Variants in GRIP1 observed in about 807,000 individuals in gnomAD.
The protein encoded by GRIP1 is glutamate receptor interacting protein 1.
GRIP1 carries 45 observed loss-of-function variants against 129.9 expected under a neutral mutation model. The ratio of observed to expected loss-of-function variants is 0.35; its 90% confidence interval spans 0.27 to 0.44. The LOEUF is 0.44. Among genes scored for constraint, GRIP1 ranks in the 20% least tolerant of loss-of-function variants. GRIP1 has a pLI of 1.00. For missense variants in GRIP1, 1,196 were observed against 1,396.8 expected, an observed-to-expected ratio of 0.86 and a Z score of 2.29; for synonymous variants, 530 against 520.8, an observed-to-expected ratio of 1.02 and a Z score of -0.24.
chr12:66,455,696 A>T, intron 10 of GRIP1, 132 bp from the exon 11 acceptor site: 1 of 769,876 alleles, frequency 1.3e-6, no homozygotes, highest in Non-Finnish European at 2.3e-6. Flanking sequence ...CCAGCCAGCT[A>T]GAGGCCAGCT....
intron 1 of GRIP1, among the ~76,000 whole-genome samples, chr12:66,906,171 G>A (rs2040929075): frequency 6.6e-6 from 1 of 152,120 alleles, no homozygotes; most frequent in East Asian, 1.9e-4. Context: ...CAGCACTTTG[G>A]GAGGCTGAGG....
At chr12:66,361,176 C>G (rs2054741482) in intron 23 of GRIP1, among the ~76,000 whole-genome samples, 2 of 152,124 alleles carry the variant, frequency 1.3e-5, no homozygotes, top group South Asian at 4.1e-4. Context: ...ACTAGAAACT[C>G]AGGGGTTTTG....
At chr12:66,977,754 T>G (rs1325370752) in intron 1 of GRIP1, among the ~76,000 whole-genome samples, 1 of 151,758 alleles carries the variant, frequency 6.6e-6, no homozygotes, top group Non-Finnish European at 1.5e-5. Flanking sequence ...CCAAGTTTTA[T>G]GTCACTAAAG....
intron 1 of GRIP1, among the ~76,000 whole-genome samples, chr12:66,729,957 G>C (rs1021125880): frequency 1.3e-5 from 2 of 152,298 alleles, no homozygotes; most frequent in African/African-American, 4.8e-5. Flanking sequence ...AAGGAAAATT[G>C]TATGCATCAT....
chr12:66,980,831 C>T (rs1221188176), intron 1 of GRIP1, among the ~76,000 whole-genome samples: 2 of 152,106 alleles, frequency 1.3e-5, no homozygotes, highest in South Asian at 2.1e-4. Flanking sequence ...GATGTAGTTT[C>T]GATTATTCAG....
At chr12:66,883,990 G>A (rs1343511923) in intron 1 of GRIP1, among the ~76,000 whole-genome samples, 1 of 152,186 alleles carries the variant, frequency 6.6e-6, no homozygotes, top group Non-Finnish European at 1.5e-5. Flanking sequence ...GAATTAGAGA[G>A]GGTGATCATG....
intron 1 of GRIP1, among the ~76,000 whole-genome samples, chr12:66,706,474 T>G (rs1486658479): frequency 6.6e-6 from 1 of 152,132 alleles, no homozygotes; most frequent in African/African-American, 2.4e-5. Flanking sequence ...CTCAAGGATC[T>G]AGAATCAGAA....
At chr12:66,788,240 T>TG (rs1491486169) in intron 1 of GRIP1, among the ~76,000 whole-genome samples, 1 of 132,616 alleles carries the variant, frequency 7.5e-6, no homozygotes, top group East Asian at 2.0e-4. Flanking sequence ...AATAAAATAC[T>TG]TTTTTTTTTT....
At position 66,700,449 on chromosome 12, in the gene GRIP1, A is replaced by G. The variant is rs1222894759; in HGVS notation, c.-419-70113T>C. On this transcript the variant is annotated intron_variant, in intron 1 of 4. Transcript: ENST00000538373. Reference sequence around the variant, plus strand: ...GTGGCAGCTTTTTTTTTTTTTTTTAAATTAAGATTTGGGGTTTCACCACAT... The same window carrying G: ...GTGGCAGCTTTTTTTTTTTTTTTTAGATTAAGATTTGGGGTTTCACCACAT... 2.0e-5 allele frequency among the ~76,000 whole-genome samples: 3 copies of G among 149,040 alleles called. No homozygotes were observed. The East Asian group carries it at 5.9e-4, about 29-fold the overall frequency.
At chr12:66,878,218 G>A (rs923011666) in intron 1 of GRIP1, among the ~76,000 whole-genome samples, 1 of 151,978 alleles carries the variant, frequency 6.6e-6, no homozygotes, top group African/African-American at 2.4e-5. Context: ...TGTTCCTGCA[G>A]GACATACACA....
intron 2 of GRIP1, chr12:66,568,610 A>G (rs1056954242): frequency 6.5e-5 from 12 of 185,218 alleles, no homozygotes; most frequent in African/African-American, 2.6e-4. Context: ...ATGTGTCAAG[A>G]TTGACGCAGA....
At chr12:66,993,201 A>G (rs563577293) in intron 1 of GRIP1, among the ~76,000 whole-genome samples, 34 of 152,224 alleles carry the variant, frequency 2.2e-4, no homozygotes, top group Admixed American at 3.9e-4. Context: ...ATATAGCAAA[A>G]TCAGTGCTTA....
At chr12:66,501,996 TTAGA>T (rs750832380) in intron 7 of GRIP1, among the ~76,000 whole-genome samples, 39 of 152,342 alleles carry the variant, frequency 2.6e-4, no homozygotes, top group African/African-American at 8.7e-4. Context: ...ACTTTCCTTC[TTAGA>T]TAGTGATTTT....
At chr12:66,904,780 T>C (rs1193972673) in intron 1 of GRIP1, among the ~76,000 whole-genome samples, 3 of 152,032 alleles carry the variant, frequency 2.0e-5, no homozygotes, top group Non-Finnish European at 4.4e-5. Flanking sequence ...TAGCCCCAGC[T>C]ACTCGGGGGG....
At chr12:66,763,713 G>C (rs1253681611) in intron 1 of GRIP1, among the ~76,000 whole-genome samples, 1 of 152,112 alleles carries the variant, frequency 6.6e-6, no homozygotes. Flanking sequence ...TGTCAGGAGG[G>C]ATAATGATGA....
In GRIP1 at chr12:67,028,240, T is replaced by C. The variant is rs114249250; in HGVS notation, c.58+40810A>G. 1.0e-2 allele frequency among the ~76,000 whole-genome samples: 1,516 copies of C among 152,336 alleles called. 35 individuals carry two copies. The highest frequency in any genetic ancestry group is 0.034 in the African/African-American group (1,418 of 41,576). Reference sequence around the variant, plus strand: ...TTAATACTGATTTCCCCTCCTGTTATATCCTTTTAGCAATTCCACTGGGAA... The same window carrying C: ...TTAATACTGATTTCCCCTCCTGTTACATCCTTTTAGCAATTCCACTGGGAA... On this transcript the variant is annotated intron_variant, in intron 1 of 1. Coordinates refer to the GRIP1 transcript ENST00000643019.
chr12:66,939,829 C>T (rs1010857169), intron 1 of GRIP1, among the ~76,000 whole-genome samples: 1 of 152,090 alleles, frequency 6.6e-6, no homozygotes, highest in Non-Finnish European at 1.5e-5. Flanking sequence ...TTCAAATATA[C>T]CAGTATACAT....
chr12:66,360,460 A>G (rs1344947755), intron 23 of GRIP1, among the ~76,000 whole-genome samples: 1 of 152,116 alleles, frequency 6.6e-6, no homozygotes, highest in Non-Finnish European at 1.5e-5. Context: ...CCCCCGGAGA[A>G]CCTGGACCAT....
intron 1 of GRIP1, among the ~76,000 whole-genome samples, chr12:66,970,077 C>T (rs572110675): frequency 9.2e-5 from 14 of 152,156 alleles, no homozygotes; most frequent in African/African-American, 3.4e-4. Context: ...TTTTTCCTTG[C>T]CTGTTAGCAT....
Sources: gnomAD v4.1 joint callset for allele counts (sites outside exome capture counted in the v4.1 genomes callset) on GRCh38, gnomAD v4.1.1 for gene constraint, MANE v1.5 for transcripts, NCBI Gene and HGNC (gene_info 2026-07-23, HGNC 2026-07-21) for gene names.